DCHS2: variants seen among roughly 807,000 people sequenced by gnomAD.
The protein encoded by DCHS2 is protocadherin-23.
A neutral mutation model predicts 182.4 loss-of-function variants in DCHS2; 142 were observed. The ratio of observed to expected loss-of-function variants is 0.78; its 90% CI spans 0.68 to 0.89. The LOEUF (loss-of-function observed/expected upper bound fraction) is 0.89. DCHS2 is among the 40% of genes least tolerant of loss of function. The probability of loss-of-function intolerance (pLI) is 0.00; values close to 1 mark genes in which losing one functional copy is unlikely to be tolerated. For synonymous variants in DCHS2, 1,740 were observed against 1,663.3 expected (o/e 1.05, Z -1.12); for missense variants, 4,319 against 4,198.6 (o/e 1.03, Z -0.79).
At chr4:154,377,558 A>C in intron 1 of DCHS2, 114 bp from the exon 2 acceptor site, 1 of 752,706 alleles carries the variant, frequency 1.3e-6, no homozygotes, top group Non-Finnish European at 2.1e-6. Context: ...GCTATTCACA[A>C]AGCCTAGGCT....
chr4:154,488,902 C>G lies in DCHS2; in HGVS notation c.2052+402G>C, dbSNP rs13120895. Among the ~76,000 whole-genome samples the G allele has an allele frequency of 1.5e-3, 95 of 62,300 alleles. 1 individual carries two copies. Among genetic ancestry groups the G allele is most frequent in the African/African-American group, 5.7e-3 (94 of 16,416 alleles). The allele number at this position is 62,300 out of a possible 152,430, so 40.9% of individuals were successfully genotyped here. ...AATATATATATGTGTGTGTGTGTGT[C>G]TGTGTGTGTGTGTGTGTGTGTGTGT... is the stretch of plus-strand genomic sequence containing the variant. On this transcript the variant is annotated intron_variant, in intron 1 of 19. Transcript: ENST00000357232.
At chr4:154,441,969 A>G (rs1360330864) in intron 1 of DCHS2, among the ~76,000 whole-genome samples, 1 of 152,144 alleles carries the variant, frequency 6.6e-6, no homozygotes, top group East Asian at 1.9e-4. Flanking sequence ...TTCAATAACC[A>G]TTGGGTAAGT....
rs1728718973 is a variant in DCHS2, at chr4:154,489,626, CG to C, written c.1729del (p.Arg577AlafsTer4). The C allele has an allele frequency of 6.4e-7, 1 of 1,551,458 alleles. No homozygotes were observed. Among genetic ancestry groups the C allele is most frequent in the African/African-American group, 1.4e-5 (1 of 73,060 alleles). ...AGCCGAGAGTTGGACTACAGTGTAG[CG>C]CAGCCAGGCGTGATCACTGCCTGCC... ...DEAGSDHAWL[R>X]YTVVQLSAPC... On this transcript the variant is annotated frameshift_variant, in exon 1 of 20. Transcript: ENST00000357232. LOFTEE classifies it high-confidence loss of function.
intron 1 of DCHS2, among the ~76,000 whole-genome samples, chr4:154,428,913 G>GA (rs960491702): frequency 4.1e-5 from 6 of 146,512 alleles, no homozygotes; most frequent in African/African-American, 1.5e-4. Flanking sequence ...CCATCTCAAA[G>GA]AAAAAAAAGG....
intron 3 of DCHS2, chr4:154,343,355 T>A: frequency 9.4e-7 from 1 of 1,061,528 alleles, no homozygotes; most frequent in Non-Finnish European, 1.2e-6. Context: ...CCCTTTTAAG[T>A]TCTGAAGCCA....
intron 1 of DCHS2, among the ~76,000 whole-genome samples, chr4:154,455,728 A>G (rs1734736395): frequency 6.6e-6 from 1 of 152,202 alleles, no homozygotes; most frequent in Non-Finnish European, 1.5e-5. Flanking sequence ...AAAGGTATTC[A>G]TAGCTGCTCA....
intron 1 of DCHS2, among the ~76,000 whole-genome samples, chr4:154,420,762 C>T (rs1164272380): frequency 6.6e-6 from 1 of 152,206 alleles, no homozygotes; most frequent in Admixed American, 6.5e-5. Context: ...CTCTCACAGC[C>T]ATACCCAGAA....
chr4:154,341,707 T>C (rs917363679), intron 3 of DCHS2, among the ~76,000 whole-genome samples: 4 of 152,118 alleles, frequency 2.6e-5, no homozygotes, highest in South Asian at 2.1e-4. Flanking sequence ...ACAAAAAACC[T>C]GTCCATCAAT....
chr4:154,389,536 A>AAAGG lies in DCHS2; in HGVS notation c.2053-12093_2053-12092insCCTT, dbSNP rs1731585686. Among the ~76,000 whole-genome samples, 2 of 144,536 alleles carry AAAGG rather than the reference A, an allele frequency of 1.4e-5. 1 individual carries two copies. Among genetic ancestry groups the AAAGG allele is most frequent in the Non-Finnish European group, 3.1e-5 (2 of 65,162 alleles). 94.8% of individuals were successfully genotyped at this position (144,536 alleles called of 152,430 possible). Reference sequence around the variant, plus strand: ...AAAGGTTATATATATATATATATATAACCTTTTTTTAAAGGACCTAAACTA... The same window carrying AAAGG: ...AAAGGTTATATATATATATATATATAAAGGACCTTTTTTTAAAGGACCTAAACTA... On this transcript the variant is annotated intron_variant, in intron 1 of 19. Coordinates refer to ENST00000357232, the MANE Select transcript of DCHS2 (RefSeq NM_001358235.2).
At chr4:154,382,003 T>C (rs10034334) in intron 1 of DCHS2, among the ~76,000 whole-genome samples, 3,660 of 151,926 alleles carry the variant, frequency 0.024, 141 homozygotes, top group African/African-American at 0.082. Flanking sequence ...AAGAACAAAG[T>C]TGGAGGCATC....
chr4:154,417,198 T>TGGGAGA (rs1732881422), intron 1 of DCHS2, among the ~76,000 whole-genome samples: 3 of 65,288 alleles, frequency 4.6e-5, no homozygotes, highest in Non-Finnish European at 6.1e-5. Flanking sequence ...TGTGTGTGTG[T>TGGGAGA]GTGTGTGAGA....
At chr4:154,483,795 GC>G (rs949305222) in intron 1 of DCHS2, among the ~76,000 whole-genome samples, 3 of 152,048 alleles carry the variant, frequency 2.0e-5, no homozygotes, top group Non-Finnish European at 2.9e-5. Flanking sequence ...ACAGAGACCT[GC>G]CCCCCAACAT....
chr4:154,331,803 T>G, intron 5 of DCHS2: 395 of 1,326,834 alleles, frequency 3.0e-4, no homozygotes, highest in Non-Finnish European at 3.7e-4. Context: ...TTTTCCCGGG[T>G]ATGTATTTGC....
intron 1 of DCHS2, among the ~76,000 whole-genome samples, chr4:154,458,804 C>A (rs993595230): frequency 6.6e-6 from 1 of 152,142 alleles, no homozygotes. Flanking sequence ...GTTTATTAGA[C>A]TGGTGGTAGT....
chr4:154,326,066 T>A (rs147595809), intron 7 of DCHS2, among the ~76,000 whole-genome samples: 2 of 152,332 alleles, frequency 1.3e-5, no homozygotes, highest in Non-Finnish European at 2.9e-5. Context: ...ATGAATATCC[T>A]GTTACAGTCT....
intron 1 of DCHS2, among the ~76,000 whole-genome samples, chr4:154,486,252 G>A (rs575896954): frequency 9.9e-5 from 15 of 152,252 alleles, no homozygotes; most frequent in South Asian, 2.1e-4. Context: ...GAAAGGTCTC[G>A]TCAGGGCATG....
chr4:154,320,585 G>C lies in DCHS2; in HGVS notation c.4814C>G (p.Thr1605Arg). Residue 1605 changes from threonine (T) to arginine (R), a missense_variant, in exon 9 of 20, where the codon ACA (threonine) becomes AGA (arginine). Thr to Arg is a moderately conservative substitution (Grantham distance 71, BLOSUM62 -1). Coordinates refer to ENST00000357232, the MANE Select transcript of DCHS2 (RefSeq NM_001358235.2). ...NVTDRRLRSL[T>R]AQIVILDVND... ...TACATCCAAAATCACTATTTGTGCTGTCAGTGATCTCAGTCGCCGGTCTGT... is the reference window on the plus strand; with the variant it reads ...TACATCCAAAATCACTATTTGTGCTCTCAGTGATCTCAGTCGCCGGTCTGT... 1 of 1,614,118 alleles carries C rather than the reference G, an allele frequency of 6.2e-7. No homozygotes were observed. Among genetic ancestry groups the C allele is most frequent in the Non-Finnish European group, 8.5e-7 (1 of 1,180,004 alleles).
chr4:154,361,922 T>C (rs928010519), intron 3 of DCHS2, among the ~76,000 whole-genome samples: 5 of 152,050 alleles, frequency 3.3e-5, no homozygotes, highest in Non-Finnish European at 5.9e-5. Context: ...TAAAATAGCA[T>C]GTCTGATAAA....
intron 3 of DCHS2, chr4:154,357,144 C>T (rs1729908322): frequency 1.1e-6 from 1 of 928,012 alleles, no homozygotes; most frequent in African/African-American, 1.6e-5. Flanking sequence ...AACTCACTTT[C>T]TCATATAGGT....
Sources: allele counts gnomAD v4.1 joint callset (sites outside exome capture counted in the v4.1 genomes callset), GRCh38; gene constraint gnomAD v4.1.1; transcripts MANE v1.5; gene names NCBI Gene and HGNC (gene_info 2026-07-23, HGNC 2026-07-21).